STXBP5L: variants seen among roughly 807,000 people sequenced by gnomAD.
STXBP5L encodes the protein syntaxin binding protein 5L.
STXBP5L carries 65 observed loss-of-function variants against 144.5 expected under a neutral mutation model. The ratio of observed to expected loss-of-function variants is 0.45; its 90% CI spans 0.37 to 0.55. The LOEUF is 0.55. Among genes scored for constraint, STXBP5L ranks in the 20% least tolerant of loss-of-function variants. STXBP5L has a pLI of 0.00. For synonymous variants in STXBP5L, 505 were observed against 469.6 expected (o/e 1.08, Z -0.97); for missense variants, 1,298 against 1,405.5 (o/e 0.92, Z 1.22).
intron 19 of STXBP5L, among the ~76,000 whole-genome samples, chr3:121,287,825 T>C (rs564757388): frequency 6.7e-6 from 1 of 149,652 alleles, no homozygotes; most frequent in East Asian, 2.0e-4. Context: ...CGAGACTCCA[T>C]CTCAAAAAAA....
At chr3:121,037,630 A>G (rs745814795) in intron 3 of STXBP5L, among the ~76,000 whole-genome samples, 1 of 151,990 alleles carries the variant, frequency 6.6e-6, no homozygotes, top group Non-Finnish European at 1.5e-5. Flanking sequence ...TTGTTTTATG[A>G]TATAGTTTGT....
At chr3:120,971,093 T>C (rs776884270) in intron 3 of STXBP5L, among the ~76,000 whole-genome samples, 22 of 152,122 alleles carry the variant, frequency 1.4e-4, no homozygotes, top group Non-Finnish European at 2.9e-4. Context: ...GACATTTTAG[T>C]TATTTCTCTG....
chr3:121,013,311 A>C (rs937028490), intron 3 of STXBP5L, among the ~76,000 whole-genome samples: 3 of 152,070 alleles, frequency 2.0e-5, no homozygotes, highest in Non-Finnish European at 4.4e-5. Context: ...ATTCTCACCA[A>C]TGGTATATAA....
Position 120,984,953 on chromosome 3 carries a change from A to G in STXBP5L, c.287+29916A>G, listed in dbSNP as rs140287096. Among the ~76,000 whole-genome samples the G allele has an allele frequency of 3.3e-3, 497 of 152,000 alleles. 4 individuals are homozygous for G. The highest frequency in any genetic ancestry group is 1.0e-2 in the African/African-American group (414 of 41,482). On this transcript the variant is annotated intron_variant, in intron 3 of 26. Coordinates refer to ENST00000471454, the MANE Select transcript of STXBP5L (RefSeq NM_001308330.2). ...TTTTTCCCATTCAGTCTCTTATTAGATATTACATTGATCAATATTCATATG... is the reference window on the plus strand; with the variant it reads ...TTTTTCCCATTCAGTCTCTTATTAGGTATTACATTGATCAATATTCATATG...
chr3:121,210,190 A>G (rs1186733203), intron 10 of STXBP5L, among the ~76,000 whole-genome samples: 3 of 152,082 alleles, frequency 2.0e-5, no homozygotes, highest in Non-Finnish European at 1.5e-5. Context: ...GCCAGTGATG[A>G]TGAGCATTTT....
chr3:121,049,047 A>G (rs1023989587), intron 5 of STXBP5L, among the ~76,000 whole-genome samples: 1 of 152,030 alleles, frequency 6.6e-6, no homozygotes, highest in Admixed American at 6.5e-5. Flanking sequence ...TCTGTCCCAG[A>G]AAAGCACAGA....
intron 3 of STXBP5L, among the ~76,000 whole-genome samples, chr3:121,006,198 TG>T (rs1382496019): frequency 1.3e-5 from 2 of 152,210 alleles, no homozygotes; most frequent in African/African-American, 2.4e-5. Flanking sequence ...AGTCTCTTTG[TG>T]GGTCTCTAAG....
At chr3:121,037,495 ATCC>A (rs1319352429) in intron 3 of STXBP5L, among the ~76,000 whole-genome samples, 1 of 151,824 alleles carries the variant, frequency 6.6e-6, no homozygotes, top group African/African-American at 2.4e-5. Context: ...GCCTCAAATG[ATCC>A]TCCTGCCTTG....
At chr3:121,227,949 C>G (rs982111119) in intron 11 of STXBP5L, among the ~76,000 whole-genome samples, 16 of 152,020 alleles carry the variant, frequency 1.1e-4, no homozygotes, top group African/African-American at 3.9e-4. Context: ...AGAGATAAAC[C>G]CTTTGAGGCT....
intron 3 of STXBP5L, among the ~76,000 whole-genome samples, chr3:120,984,792 C>T (rs763412424): frequency 5.3e-5 from 8 of 151,858 alleles, no homozygotes; most frequent in Non-Finnish European, 1.2e-4. Context: ...ATGATGTATG[C>T]TGTGGGTTAT....
At chr3:121,342,644 A>G (rs1361155448) in intron 20 of STXBP5L, among the ~76,000 whole-genome samples, 2 of 151,724 alleles carry the variant, frequency 1.3e-5, no homozygotes, top group East Asian at 3.9e-4. Context: ...ATGCTTTCCA[A>G]TTTCATCCAT....
intron 20 of STXBP5L, among the ~76,000 whole-genome samples, chr3:121,369,502 G>A (rs1436286480): frequency 6.6e-6 from 1 of 151,774 alleles, no homozygotes; most frequent in African/African-American, 2.4e-5. Context: ...TTTCTTAAAG[G>A]TCTCTTTCTT....
At chr3:120,990,235 G>A (rs1421223311) in intron 3 of STXBP5L, among the ~76,000 whole-genome samples, 1 of 152,120 alleles carries the variant, frequency 6.6e-6, no homozygotes, top group Non-Finnish European at 1.5e-5. Context: ...AAAATCCTAG[G>A]AATCCAACTT....
rs145816325 is a variant in STXBP5L, at chr3:121,385,933, G to C, written c.2587+4401G>C. 8.4e-3 allele frequency among the ~76,000 whole-genome samples: 1,277 copies of C among 152,186 alleles called. 17 individuals are homozygous for C. Among genetic ancestry groups the C allele is most frequent in the African/African-American group, 0.029 (1,211 of 41,542 alleles). On this transcript the variant is annotated intron_variant, in intron 22 of 26. Transcript: ENST00000471454. ...AAAACTGGTTAATAGGCTTTGTCTG[G>C]AAATTATTTAATTGAAATTAGAATG...
chr3:121,120,397 C>A (rs1399474963), intron 6 of STXBP5L, among the ~76,000 whole-genome samples: 2 of 151,144 alleles, frequency 1.3e-5, no homozygotes, highest in African/African-American at 4.8e-5. Flanking sequence ...TGTTTAATTT[C>A]TTTTCTTCCT....
intron 19 of STXBP5L, among the ~76,000 whole-genome samples, chr3:121,297,657 A>C (rs1577390495): frequency 6.6e-6 from 1 of 152,068 alleles, no homozygotes. Flanking sequence ...GGGAGGCTGA[A>C]GCATGAGAAT....
At chr3:121,342,781 AT>A (rs1559995583) in intron 20 of STXBP5L, among the ~76,000 whole-genome samples, 1 of 145,892 alleles carries the variant, frequency 6.9e-6, no homozygotes, top group Non-Finnish European at 1.5e-5. Context: ...AGTCTTTGCT[AT>A]TGTGAATAGT....
intron 5 of STXBP5L, among the ~76,000 whole-genome samples, chr3:121,066,184 G>A (rs2041533887): frequency 6.6e-6 from 1 of 152,066 alleles, no homozygotes; most frequent in South Asian, 2.1e-4. Flanking sequence ...TCCTCTATAG[G>A]CCTCCAGTAC....
chr3:121,188,420 C>G (rs538695400), intron 9 of STXBP5L, among the ~76,000 whole-genome samples: 12 of 152,104 alleles, frequency 7.9e-5, no homozygotes, highest in African/African-American at 2.9e-4. Context: ...ACTGAACAAC[C>G]TGCTCCTGAA....
Sources: allele counts gnomAD v4.1 joint callset (sites outside exome capture counted in the v4.1 genomes callset), GRCh38; gene constraint gnomAD v4.1.1; transcripts MANE v1.5; gene names NCBI Gene and HGNC (gene_info 2026-07-23, HGNC 2026-07-21).